The following PCLO variants were observed in gnomAD, a reference collection of about 807,000 sequenced individuals.
PCLO encodes protein piccolo.
PCLO carries 82 observed loss-of-function variants against 427.5 expected under a neutral mutation model. That is an observed-to-expected ratio of 0.19 (90% CI 0.16 to 0.23). The LOEUF is 0.23. Among genes scored for constraint, PCLO ranks in the 10% least tolerant of loss-of-function variants. PCLO has a pLI of 1.00. For synonymous variants in PCLO, 2,357 were observed against 2,155.4 expected (o/e 1.09, Z -2.59); for missense variants, 6,239 against 6,115.9 (o/e 1.02, Z -0.67).
intron 3 of PCLO, among the ~76,000 whole-genome samples, chr7:83,115,992 A>G (rs1235563157): frequency 6.6e-6 from 1 of 152,008 alleles, no homozygotes. Context: ...ACACGCACAC[A>G]TATACATATA....
In PCLO at chr7:83,050,277, A is replaced by ATTT. The variant is rs1562939064; in HGVS notation, c.3301-83791_3301-83790insAAA. On this transcript the variant is annotated intron_variant, in intron 3 of 24. Coordinates refer to ENST00000333891, the MANE Select transcript of PCLO (RefSeq NM_033026.6). ...AAAAACTAGAAGTGCTTTTTAAAAA[A>ATTT]AAAAAAAAAAAACAAAACCAAAAAA... Among the ~76,000 whole-genome samples, 101 of 146,856 alleles carry ATTT rather than the reference A, an allele frequency of 6.9e-4. No individual in the cohort carries two copies. In the South Asian group the frequency reaches 7.4e-3, roughly 11 times the overall value.
intron 3 of PCLO, among the ~76,000 whole-genome samples, chr7:83,122,954 A>G (rs557100191): frequency 2.6e-5 from 4 of 152,306 alleles, no homozygotes; most frequent in South Asian, 2.1e-4. Flanking sequence ...TACAATAAAA[A>G]CTATAAAACA....
intron 22 of PCLO, among the ~76,000 whole-genome samples, chr7:82,774,372 C>T (rs1790706625): frequency 1.3e-5 from 2 of 152,124 alleles, no homozygotes; most frequent in Admixed American, 1.3e-4. Flanking sequence ...TATCTCTATG[C>T]TTTGTACACT....
At chr7:83,072,383 A>T (rs1010445604) in intron 3 of PCLO, among the ~76,000 whole-genome samples, 2 of 152,110 alleles carry the variant, frequency 1.3e-5, no homozygotes, top group Middle Eastern at 3.2e-3. Flanking sequence ...TTAAAAAATA[A>T]TATTATCCAA....
At chr7:82,994,617 G>GTATA (rs71522636) in intron 3 of PCLO, among the ~76,000 whole-genome samples, 80,735 of 149,992 alleles carry the variant, frequency 0.54, 23,037 homozygotes, top group East Asian at 0.85. Flanking sequence ...TTCATAGTAG[G>GTATA]TATATATATA....
chr7:83,155,360 T>G lies in PCLO; in HGVS notation c.1281A>C (p.Leu427=), dbSNP rs1487475106. 6.2e-7 allele frequency: 1 copy of G among 1,613,882 alleles called. No homozygotes were observed. Among genetic ancestry groups the G allele is most frequent in the Admixed American group, 1.7e-5 (1 of 60,024 alleles). ...GCCCAGGTGCCTTAGCTGGAGACTG[T>G]AGCCCAGGTTGTTGAGCTAGGGGTT... ...TPKPLAQQPG[L]QSPAKAPGPT... The change falls in exon 2 of 25, where the codon CTA becomes CTC. Residue 427 remains leucine, a synonymous_variant. Transcript: ENST00000333891.
intron 21 of PCLO, 70 bp from the exon 22 acceptor site, chr7:82,801,661 A>C (rs1336784281): frequency 1.1e-6 from 1 of 912,022 alleles, no homozygotes; most frequent in Non-Finnish European, 1.7e-6. Flanking sequence ...CTAAATTTGC[A>C]TAAATAAAAT....
chr7:83,131,081 GT>G, intron 3 of PCLO, among the ~76,000 whole-genome samples: 1 of 152,278 alleles, frequency 6.6e-6, no homozygotes, highest in Middle Eastern at 3.4e-3. Flanking sequence ...TGATTAGGCT[GT>G]TTTTCTCAGT....
chr7:82,962,233 T>G (rs1189461813), intron 4 of PCLO, among the ~76,000 whole-genome samples: 1 of 152,194 alleles, frequency 6.6e-6, no homozygotes, highest in African/African-American at 2.4e-5. Flanking sequence ...AAATAAGTTT[T>G]CTAGTACTTT....
chr7:82,759,556 G>A (rs1014325285), intron 24 of PCLO, among the ~76,000 whole-genome samples: 2 of 151,768 alleles, frequency 1.3e-5, no homozygotes, highest in Admixed American at 6.6e-5. Context: ...CCCTGACTAC[G>A]TAATCTCTGT....
chr7:82,864,192 TATAA>T (rs1476069456), intron 10 of PCLO, among the ~76,000 whole-genome samples: 11 of 152,272 alleles, frequency 7.2e-5, no homozygotes, highest in African/African-American at 2.6e-4. Context: ...GCATAATCAG[TATAA>T]ATAAATATAT....
At chr7:83,154,569 C>T (rs1038946146) in intron 2 of PCLO, among the ~76,000 whole-genome samples, 179 bp downstream of exon 2, 3 of 151,982 alleles carry the variant, frequency 2.0e-5, no homozygotes, top group African/African-American at 4.8e-5. Context: ...ATGTTTGAGG[C>T]TTCTAGTCAG....
intron 9 of PCLO, among the ~76,000 whole-genome samples, 196 bp downstream of exon 9, chr7:82,902,455 T>C (rs942096673): frequency 6.6e-6 from 1 of 151,974 alleles, no homozygotes; most frequent in African/African-American, 2.4e-5. Context: ...AGGGATAGCA[T>C]TAGGAGATAT....
intron 10 of PCLO, among the ~76,000 whole-genome samples, chr7:82,865,938 T>C (rs2115947000): frequency 6.6e-6 from 1 of 152,298 alleles, no homozygotes; most frequent in African/African-American, 2.4e-5. Context: ...TCAGCTTATG[T>C]CAGGTCAATT....
chr7:83,038,075 A>ATATATATCTT, intron 3 of PCLO, among the ~76,000 whole-genome samples: 1 of 48,416 alleles, frequency 2.1e-5, no homozygotes, highest in Non-Finnish European at 4.0e-5. Flanking sequence ...TTATATATTT[A>ATATATATCTT]TATATATATC....
chr7:83,127,806 A>C (rs1791475720), intron 3 of PCLO, among the ~76,000 whole-genome samples: 1 of 152,096 alleles, frequency 6.6e-6, no homozygotes, highest in Admixed American at 6.5e-5. Context: ...GTTCTGACCT[A>C]AAGTTTGATA....
At chr7:83,115,533 C>T (rs1352313935) in intron 3 of PCLO, among the ~76,000 whole-genome samples, 1 of 151,976 alleles carries the variant, frequency 6.6e-6, no homozygotes, top group African/African-American at 2.4e-5. Flanking sequence ...AATGGAAATG[C>T]TTTAAACGAA....
intron 3 of PCLO, among the ~76,000 whole-genome samples, chr7:82,993,878 G>C (rs1297870878): frequency 6.6e-6 from 1 of 151,980 alleles, no homozygotes; most frequent in Non-Finnish European, 1.5e-5. Context: ...GGATAAAGCT[G>C]GAAGCCATCA....
chr7:82,982,822 T>G (rs894674761), intron 3 of PCLO, among the ~76,000 whole-genome samples: 1 of 152,000 alleles, frequency 6.6e-6, no homozygotes, highest in Non-Finnish European at 1.5e-5. Flanking sequence ...GAATATTTAC[T>G]GTCTGCATTG....
Sources: allele counts gnomAD v4.1 joint callset (sites outside exome capture counted in the v4.1 genomes callset), GRCh38; gene constraint gnomAD v4.1.1; transcripts MANE v1.5; gene names NCBI Gene and HGNC (gene_info 2026-07-23, HGNC 2026-07-21).